SAMD5: variants seen among roughly 807,000 people sequenced by gnomAD.
SAMD5 encodes the protein sterile alpha motif domain containing 5, also known as sterile alpha motif domain-containing protein 5.
A neutral mutation model predicts 11.3 loss-of-function variants in SAMD5; 13 were observed. That is an observed-to-expected ratio of 1.15 (90% confidence interval 0.75 to 1.83). SAMD5 has a LOEUF of 1.83. Ranked by LOEUF, SAMD5 falls within the 40% of genes most tolerant of loss-of-function variation. The pLI is 0.00. For synonymous variants in SAMD5, 129 were observed against 111.3 expected (o/e 1.16, Z -1.00); for missense variants, 255 against 239.1 (o/e 1.07, Z -0.44).
the SAMD5 span, among the ~76,000 whole-genome samples, chr6:147,884,293 G>A: frequency 1.1e-4 from 17 of 152,258 alleles, no homozygotes; most frequent in African/African-American, 3.6e-4. Flanking sequence ...ATTGATGAGC[G>A]TGTAATACGT....
intron 1 of SAMD5, among the ~76,000 whole-genome samples, chr6:147,721,993 A>G (rs1365138122): frequency 1.3e-5 from 2 of 152,230 alleles, no homozygotes; most frequent in African/African-American, 4.8e-5. Context: ...CTCTTCATTC[A>G]ACTTTTTAAT....
chr6:147,805,513 G>C, the SAMD5 span, among the ~76,000 whole-genome samples: 843 of 152,230 alleles, frequency 5.5e-3, 3 homozygotes, highest in Non-Finnish European at 8.6e-3. Flanking sequence ...AATAATGGAC[G>C]TGTGAGAAGA....
At chr6:147,787,962 A>G in the SAMD5 span, among the ~76,000 whole-genome samples, 1 of 152,224 alleles carries the variant, frequency 6.6e-6, no homozygotes, top group Non-Finnish European at 1.5e-5. Context: ...TATTTGGCTT[A>G]CATCAAGGGT....
At chr6:147,883,029 A>G in the SAMD5 span, among the ~76,000 whole-genome samples, 1 of 152,196 alleles carries the variant, frequency 6.6e-6, no homozygotes, top group Non-Finnish European at 1.5e-5. Flanking sequence ...GTAGGTTTTT[A>G]TGATTCTGGA....
chr6:147,747,530 T>C, the SAMD5 span, among the ~76,000 whole-genome samples: 1 of 152,218 alleles, frequency 6.6e-6, no homozygotes, highest in Non-Finnish European at 1.5e-5. Flanking sequence ...CTTTTTGTTT[T>C]TTGAGACGGG....
the SAMD5 span, among the ~76,000 whole-genome samples, chr6:147,875,003 C>T: frequency 6.6e-6 from 1 of 152,076 alleles, no homozygotes; most frequent in Non-Finnish European, 1.5e-5. Context: ...CCTATTTCCG[C>T]ATGTTACTGT....
the SAMD5 span, among the ~76,000 whole-genome samples, chr6:147,777,433 T>C: frequency 1.4e-4 from 22 of 152,226 alleles, no homozygotes; most frequent in Admixed American, 1.4e-3. Flanking sequence ...AACTATTTGC[T>C]TGGCCTCCAC....
At chr6:147,938,198 A>G in the SAMD5 span, among the ~76,000 whole-genome samples, 3 of 152,220 alleles carry the variant, frequency 2.0e-5, no homozygotes, top group East Asian at 5.8e-4. Context: ...TATGCTAAGC[A>G]GAGCTTCAGT....
At chr6:147,834,411 T>C in the SAMD5 span, among the ~76,000 whole-genome samples, 1 of 152,212 alleles carries the variant, frequency 6.6e-6, no homozygotes, top group East Asian at 1.9e-4. Flanking sequence ...GAAGACATTA[T>C]AGCGAGTGTA....
At chr6:147,728,292 C>T (rs1378491269) in intron 1 of SAMD5, among the ~76,000 whole-genome samples, 1 of 152,108 alleles carries the variant, frequency 6.6e-6, no homozygotes, top group African/African-American at 2.4e-5. Flanking sequence ...GTCTTGTATG[C>T]GTGTAATCCC....
chr6:147,803,779 C>T, the SAMD5 span, among the ~76,000 whole-genome samples: 2 of 152,298 alleles, frequency 1.3e-5, no homozygotes, highest in South Asian at 4.1e-4. Context: ...CCCAGATACA[C>T]ATGTACTACG....
At position 147,569,559 on chromosome 6, in the gene SAMD5, TATC is replaced by T. The variant is rs1446258465; in HGVS notation, c.*5106_*5108del. On this transcript the variant is annotated 3_prime_UTR_variant, in exon 2 of 2. Transcript: ENST00000367474. ...ACCCTTAATTAGATGAATTATCCCT[TATC>T]ATTCCAAAAATGAAATGCTGTGTTA... The T allele has an allele frequency of 1.1e-6, 1 of 944,040 alleles. No individual in the cohort carries two copies. Among genetic ancestry groups the T allele is most frequent in the African/African-American group, 1.8e-5 (1 of 56,378 alleles). 58.5% of individuals were successfully genotyped at this position (944,040 alleles called of 1,614,324 possible). A position where few individuals can be genotyped will look rare whatever the true frequency, so the allele number is the denominator to read the frequency against.
chr6:147,576,379 G>A (rs1789217466), intron 1 of SAMD5, among the ~76,000 whole-genome samples: 1 of 152,124 alleles, frequency 6.6e-6, no homozygotes, highest in Non-Finnish European at 1.5e-5. Flanking sequence ...GACCTCAGGT[G>A]ATCCACCTGC....
chr6:147,773,633 C>T, the SAMD5 span, among the ~76,000 whole-genome samples: 1 of 152,182 alleles, frequency 6.6e-6, no homozygotes, highest in African/African-American at 2.4e-5. Flanking sequence ...AGACAGAAAG[C>T]AAGCTCTTTA....
chr6:147,772,917 A>T, the SAMD5 span, among the ~76,000 whole-genome samples: 1 of 152,210 alleles, frequency 6.6e-6, no homozygotes, highest in African/African-American at 2.4e-5. Context: ...AACTGATGAC[A>T]TAGGCAGTAA....
intron 1 of SAMD5, among the ~76,000 whole-genome samples, chr6:147,697,796 G>A (rs913642091): frequency 1.3e-5 from 2 of 152,116 alleles, no homozygotes; most frequent in Non-Finnish European, 2.9e-5. Context: ...TTACTTGAGA[G>A]GCCTGAAGAT....
intron 1 of SAMD5, among the ~76,000 whole-genome samples, chr6:147,600,303 C>G (rs1789596456): frequency 5.3e-5 from 8 of 152,190 alleles, no homozygotes; most frequent in Admixed American, 5.2e-4. Flanking sequence ...TCCAGCCCTG[C>G]TCTAGGGAGT....
chr6:147,835,242 A>AAC, the SAMD5 span, among the ~76,000 whole-genome samples: 33 of 150,422 alleles, frequency 2.2e-4, 1 homozygote, highest in African/African-American at 7.4e-4. Flanking sequence ...TAAAAAAAAA[A>AAC]AAAACAAAAA....
At chr6:147,540,085 T>TC (rs991841354) in intron 1 of SAMD5, among the ~76,000 whole-genome samples, 28 of 151,756 alleles carry the variant, frequency 1.8e-4, no homozygotes, top group Admixed American at 1.4e-3. Context: ...TTCTTTTTTT[T>TC]CTCTCTCTTT....
Sources: allele counts gnomAD v4.1 joint callset (sites outside exome capture counted in the v4.1 genomes callset), GRCh38; gene constraint gnomAD v4.1.1; transcripts MANE v1.5; gene names NCBI Gene and HGNC (gene_info 2026-07-23, HGNC 2026-07-21).